Variants in BEAN1 observed in about 807,000 individuals in gnomAD.
BEAN1 encodes brain expressed associated with NEDD4 1, also known as protein BEAN1.
BEAN1 carries 17 observed loss-of-function variants against 17.7 expected under a neutral mutation model. The ratio of observed to expected loss-of-function variants is 0.96; its 90% CI spans 0.66 to 1.44. BEAN1 has a LOEUF of 1.44. Among genes scored for constraint, BEAN1 ranks in the 40% most tolerant of loss-of-function variants. The pLI, the probability that BEAN1 is intolerant of heterozygous loss-of-function variation, is 0.00. For missense variants in BEAN1, 359 were observed against 374.1 expected (o/e 0.96, Z 0.33); for synonymous variants, 142 against 151.8 (o/e 0.94, Z 0.47).
chr16:66,490,456 A>AAG (rs56135850), intron 4 of BEAN1, among the ~76,000 whole-genome samples: 1 of 126,612 alleles, frequency 7.9e-6, no homozygotes, highest in Non-Finnish European at 1.6e-5. Flanking sequence ...AAATAAAATA[A>AAG]TAAAATAAAA....
At position 66,469,759 on chromosome 16, in the gene BEAN1, G is replaced by C; in HGVS notation, c.183G>C (p.Arg61Ser). 1 of 1,536,138 alleles carries C rather than the reference G, an allele frequency of 6.5e-7. No individual in the cohort carries two copies. Among genetic ancestry groups the C allele is most frequent in the Non-Finnish European group, 8.7e-7 (1 of 1,146,910 alleles). Residue 61 changes from arginine to serine, a missense_variant, in exon 3 of 5, where the codon AGG becomes AGC. Coordinates refer to ENST00000536005, the MANE Select transcript of BEAN1 (RefSeq NM_001178020.3). The part of the protein sequence containing the change: ...CITIIVGSIR[R>S]DRQARLQRHR... ...CCATCATTGTGGGCAGCATCCGCAG[G>C]GACAGGCAGGCCCGGCTTCAGCGGC...
chr16:66,492,791 T>C (rs1168070662), intron 4 of BEAN1, among the ~76,000 whole-genome samples: 1 of 152,166 alleles, frequency 6.6e-6, no homozygotes, highest in East Asian at 1.9e-4. Context: ...AGCCTCAGTG[T>C]ACCCCTGATC....
chr16:66,474,625 G>GGAGGGAGGGAGGGAGGGAGGGAGA (rs1567505328), intron 3 of BEAN1, among the ~76,000 whole-genome samples: 1 of 42,958 alleles, frequency 2.3e-5, no homozygotes, highest in East Asian at 9.1e-4. Context: ...AGGAAGGGAG[G>GGAGGGAGGGAGGGAGGGAGGGAGA]GAGGGAGGGA....
downstream of BEAN1, among the ~76,000 whole-genome samples, chr16:66,487,723 G>GCTTCT (rs1415839947): frequency 2.0e-5 from 3 of 152,120 alleles, no homozygotes; most frequent in Non-Finnish European, 4.4e-5. Context: ...CAGAGGTCTG[G>GCTTCT]CTTCTCTGCT....
chr16:66,472,049 C>T (rs1963503653), intron 3 of BEAN1, among the ~76,000 whole-genome samples: 1 of 152,226 alleles, frequency 6.6e-6, no homozygotes, highest in South Asian at 2.1e-4. Context: ...TCCTTCCAGC[C>T]TCTGCCCTTT....
chr16:66,445,461 GTGAGACTCCGTCTC>G (rs1962411273), intron 2 of BEAN1, among the ~76,000 whole-genome samples: 1 of 108,040 alleles, frequency 9.3e-6, no homozygotes, highest in African/African-American at 3.7e-5. Flanking sequence ...GGGCAAGAGA[GTGAGACTCCGTCTC>G]AAAAAAAAAA....
Position 66,482,558 on chromosome 16 carries a change from T to C in BEAN1, c.*1633T>C, listed in dbSNP as rs1036436213. On this transcript the variant is annotated 3_prime_UTR_variant, in exon 5 of 5. Transcript: ENST00000536005. Reference sequence around the variant, plus strand: ...ACCACCTTAGTGGTGTACTGTTTTCTAGGCAAAAAATATCTGTCTGTTGTA... The same window carrying C: ...ACCACCTTAGTGGTGTACTGTTTTCCAGGCAAAAAATATCTGTCTGTTGTA... The C allele has an allele frequency of 2.3e-5, 7 of 301,726 alleles. No individual in the cohort carries two copies. Among genetic ancestry groups the C allele is most frequent in the African/African-American group, 1.1e-4 (5 of 43,958 alleles). 18.7% of individuals were successfully genotyped at this position (301,726 alleles called of 1,614,324 possible). A position where few individuals can be genotyped will look rare whatever the true frequency, so the allele number is the denominator to read the frequency against.
chr16:66,454,729 CTTTTTTTTTTTT>C (rs538469751), intron 2 of BEAN1, among the ~76,000 whole-genome samples: 4 of 83,680 alleles, frequency 4.8e-5, no homozygotes, highest in Non-Finnish European at 9.7e-5. Context: ...TTCTTTCTTT[CTTTTTTTTTTTT>C]TTTTTTTTGC....
chr16:66,437,679 GT>G lies in BEAN1; in HGVS notation c.4del (p.Ser2ProfsTer8). 6.5e-7 allele frequency: 1 copy of G among 1,536,040 alleles called. No homozygotes were observed. Among genetic ancestry groups the G allele is most frequent in the Middle Eastern group, 1.7e-4 (1 of 5,990 alleles). Reference protein sequence around the residue: MSFKRPCPLARY... With the variant: MXFKRPCPLARY... Reference sequence around the variant, plus strand: ...CGCTGTTCTGCTCCAAGGATTACATGTCCTTCAAACGTCCCTGCCCCTGTAA... The same window carrying G: ...CGCTGTTCTGCTCCAAGGATTACATGCCTTCAAACGTCCCTGCCCCTGTAA... On this transcript the variant is annotated frameshift_variant, in exon 2 of 5. Transcript: ENST00000536005. LOFTEE classifies it high-confidence loss of function.
At chr16:66,458,847 T>C (rs1465307925) in intron 2 of BEAN1, among the ~76,000 whole-genome samples, 7 of 152,174 alleles carry the variant, frequency 4.6e-5, no homozygotes, top group Non-Finnish European at 7.4e-5. Flanking sequence ...TCTGATTCCA[T>C]GGAGTTCCCA....
chr16:66,461,900 G>A (rs1270407271), intron 2 of BEAN1, among the ~76,000 whole-genome samples: 1 of 152,212 alleles, frequency 6.6e-6, no homozygotes, highest in Non-Finnish European at 1.5e-5. Context: ...AGCAATCAGA[G>A]TGGCCATTGG....
chr16:66,463,445 G>A (rs1209727443), intron 2 of BEAN1, among the ~76,000 whole-genome samples: 1 of 152,118 alleles, frequency 6.6e-6, no homozygotes, highest in Non-Finnish European at 1.5e-5. Flanking sequence ...TATCTTCTTT[G>A]GAGAAATGTC....
intron 2 of BEAN1, among the ~76,000 whole-genome samples, chr16:66,466,077 G>T (rs1255889938): frequency 6.6e-6 from 1 of 152,180 alleles, no homozygotes; most frequent in Non-Finnish European, 1.5e-5. Context: ...GCCTCCCAAA[G>T]TGCTGGGATT....
At chr16:66,440,713 T>G (rs1486867405) in intron 2 of BEAN1, among the ~76,000 whole-genome samples, 1 of 152,220 alleles carries the variant, frequency 6.6e-6, no homozygotes, top group Non-Finnish European at 1.5e-5. Context: ...CAACAGTCTC[T>G]CCCACCCTAG....
chr16:66,463,033 C>T (rs1963140450), intron 2 of BEAN1, among the ~76,000 whole-genome samples: 1 of 152,154 alleles, frequency 6.6e-6, no homozygotes, highest in Non-Finnish European at 1.5e-5. Context: ...TTAAGGAAAG[C>T]TCTAAAGGAT....
chr16:66,448,345 G>A (rs1413567119), intron 2 of BEAN1, among the ~76,000 whole-genome samples: 3 of 152,166 alleles, frequency 2.0e-5, no homozygotes. Flanking sequence ...CAGTGAGAGT[G>A]TTTACACTGT....
intron 3 of BEAN1, among the ~76,000 whole-genome samples, chr16:66,476,820 G>A (rs748219818): frequency 2.6e-5 from 4 of 152,212 alleles, no homozygotes; most frequent in Non-Finnish European, 5.9e-5. Flanking sequence ...GACAGGCACA[G>A]TTAAATGTGT....
intron 4 of BEAN1, among the ~76,000 whole-genome samples, chr16:66,490,462 T>TAAAATAAAATAAAATAAAATAAAATAAA: frequency 8.5e-6 from 1 of 117,462 alleles, no homozygotes; most frequent in Non-Finnish European, 1.7e-5. Flanking sequence ...AATAATAAAA[T>TAAAATAAAATAAAATAAAATAAAATAAA]AAAAAGAAAC....
At chr16:66,480,301 C>T (rs1260530696) in intron 4 of BEAN1, among the ~76,000 whole-genome samples, 1 of 152,142 alleles carries the variant, frequency 6.6e-6, no homozygotes, top group African/African-American at 2.4e-5. Flanking sequence ...AGACAGTGGC[C>T]ACTGCTGTTT....
Sources: gnomAD v4.1 joint callset for allele counts (sites outside exome capture counted in the v4.1 genomes callset) on GRCh38, gnomAD v4.1.1 for gene constraint, MANE v1.5 for transcripts, NCBI Gene and HGNC (gene_info 2026-07-23, HGNC 2026-07-21) for gene names.